The following ZDHHC23 variants were observed in gnomAD, a reference collection of about 807,000 sequenced individuals.
ZDHHC23 encodes the protein zDHHC palmitoyltransferase 23, also known as palmitoyltransferase ZDHHC23.
ZDHHC23 carries 41 observed loss-of-function variants against 40.2 expected under a neutral mutation model. The ratio of observed to expected loss-of-function variants is 1.02; its 90% CI spans 0.79 to 1.32. The LOEUF is 1.32. ZDHHC23 is among the 40% of genes most tolerant of loss of function. The probability of loss-of-function intolerance (pLI) is 0.00; values close to 1 mark genes in which losing one functional copy is unlikely to be tolerated. For missense variants in ZDHHC23, 471 were observed against 541.5 expected (o/e 0.87, Z 1.29); for synonymous variants, 204 against 210.2 (o/e 0.97, Z 0.26).
downstream of ZDHHC23, among the ~76,000 whole-genome samples, chr3:113,969,209 A>T (rs769284687): frequency 6.6e-6 from 1 of 152,248 alleles, no homozygotes; most frequent in Non-Finnish European, 1.5e-5. Context: ...CTTCCGTCCA[A>T]CATTGAGGAT....
Position 113,960,912 on chromosome 3 carries a change from C to G in ZDHHC23, c.*2282C>G. On this transcript the variant is annotated 3_prime_UTR_variant, in exon 5 of 5. Transcript: ENST00000638807. ...GAAAAGCCTTCCCAGGCGTCTGTAC[C>G]GAAAGGAGCAGCAAACAAGGGGCTA... 1 of 918,302 alleles carries G rather than the reference C, an allele frequency of 1.1e-6. No individual in the cohort carries two copies. The highest frequency in any genetic ancestry group is 1.5e-6 in the Non-Finnish European group (1 of 652,572). 56.9% of individuals were successfully genotyped at this position (918,302 alleles called of 1,614,324 possible).
chr3:113,976,821 G>A, the ZDHHC23 span, among the ~76,000 whole-genome samples: 2 of 152,128 alleles, frequency 1.3e-5, no homozygotes, highest in South Asian at 4.1e-4. Context: ...GGGTCACATA[G>A]ATATTGAGTC....
Position 113,959,062 on chromosome 3 carries a change from C to A in ZDHHC23, c.*432C>A. The A allele has an allele frequency of 2.1e-6, 2 of 960,682 alleles. No individual in the cohort carries two copies. The highest frequency in any genetic ancestry group is 2.7e-6 in the Non-Finnish European group (2 of 749,418). The allele number at this position is 960,682 out of a possible 1,614,324, so 59.5% of individuals were successfully genotyped here. ...TCATCTGCAAAGTGGGGTACTGATG[C>A]CTGCCCTGGCTACCTCACAGAGCCG... On this transcript the variant is annotated 3_prime_UTR_variant, in exon 5 of 5. Transcript: ENST00000638807.
rs1265949410 is a variant in ZDHHC23, at chr3:113,962,208, CA to C, written c.*3579del. On this transcript the variant is annotated 3_prime_UTR_variant, in exon 5 of 5. Transcript: ENST00000638807. ...GGGAGCAGGAAAGCCATCCTAAACT[CA>C]CTACTGAGTACGATTCAGTATGTTC... 1.3e-5 allele frequency: 2 copies of C among 152,210 alleles called. No homozygotes were observed. Among genetic ancestry groups the C allele is most frequent in the African/African-American group, 4.8e-5 (2 of 41,448 alleles). 9.4% of individuals were successfully genotyped at this position (152,210 alleles called of 1,614,324 possible). A position where few individuals can be genotyped will look rare whatever the true frequency, so the allele number is the denominator to read the frequency against.
downstream of ZDHHC23, among the ~76,000 whole-genome samples, chr3:113,967,835 C>CT (rs1178744106): frequency 2.0e-5 from 3 of 152,190 alleles, no homozygotes; most frequent in Admixed American, 2.0e-4. Context: ...AATGTATTCT[C>CT]TATCTTCATG....
chr3:113,960,445 C>A lies in ZDHHC23; in HGVS notation c.*1815C>A. On this transcript the variant is annotated 3_prime_UTR_variant, in exon 5 of 5. Transcript: ENST00000638807. ...CAAATTTCTTTCTATACAGGTTTTA[C>A]ATAAGAGAGACAGTAATAATGTCAA... 7.4e-7 allele frequency: 1 copy of A among 1,349,832 alleles called. No individual in the cohort carries two copies. The highest frequency in any genetic ancestry group is 3.7e-5 in the Admixed American group (1 of 27,396). The allele number at this position is 1,349,832 out of a possible 1,614,324, so 83.6% of individuals were successfully genotyped here.
chr3:113,971,547 GTTC>G, the ZDHHC23 span, among the ~76,000 whole-genome samples: 1 of 152,170 alleles, frequency 6.6e-6, no homozygotes, highest in East Asian at 1.9e-4. Context: ...CATGGTGAAT[GTTC>G]TTTTCAACGT....
In ZDHHC23 at chr3:113,948,776, T is replaced by G; in HGVS notation, c.-27T>G. 1 of 1,613,842 alleles carries G rather than the reference T, an allele frequency of 6.2e-7. No homozygotes were observed. Among genetic ancestry groups the G allele is most frequent in the Non-Finnish European group, 8.5e-7 (1 of 1,179,926 alleles). On this transcript the variant is annotated 5_prime_UTR_variant, in exon 2 of 5. Coordinates refer to ENST00000638807, the MANE Select transcript of ZDHHC23 (RefSeq NM_001320466.2). ...CCACCTTTACCTTCTGAGGGCTTCT[T>G]ACGCCTCATGGTGACAGGTGCAAAT...
intron 3 of ZDHHC23, among the ~76,000 whole-genome samples, chr3:113,955,421 T>C (rs544734000): frequency 6.6e-6 from 1 of 151,790 alleles, no homozygotes; most frequent in Non-Finnish European, 1.5e-5. Context: ...AAATGCTGGT[T>C]TGCAGAAGGC....
Position 113,958,445 on chromosome 3 carries a change from A to C in ZDHHC23, c.1123A>C (p.Asn375His). Reference protein sequence around the residue: ...MAYIFLIQLINISYNVTEREV... With the variant: ...MAYIFLIQLIHISYNVTEREV... Reference sequence around the variant, plus strand: ...CTACATCTTCCTGATCCAGCTGATCAACATCAGCTACAATGTGACTGAGCG... The same window carrying C: ...CTACATCTTCCTGATCCAGCTGATCCACATCAGCTACAATGTGACTGAGCG... The change falls in exon 5 of 5, where the codon AAC (asparagine) becomes CAC (histidine). Residue 375 changes from asparagine to histidine, a missense_variant. By Grantham distance (68) the Asn-to-His change is moderately conservative. Coordinates refer to ENST00000638807, the MANE Select transcript of ZDHHC23 (RefSeq NM_001320466.2). 1 of 1,614,172 alleles carries C rather than the reference A, an allele frequency of 6.2e-7. No individual in the cohort carries two copies. Among genetic ancestry groups the C allele is most frequent in the Non-Finnish European group, 8.5e-7 (1 of 1,180,022 alleles).
intron 2 of ZDHHC23, among the ~76,000 whole-genome samples, chr3:113,950,284 GATAAA>G (rs1938538975): frequency 1.3e-5 from 2 of 152,170 alleles, no homozygotes; most frequent in South Asian, 4.1e-4. Flanking sequence ...AGGCTGCTAT[GATAAA>G]ATAAATACCT....
At chr3:113,979,437 T>G in the ZDHHC23 span, among the ~76,000 whole-genome samples, 1 of 152,238 alleles carries the variant, frequency 6.6e-6, no homozygotes, top group African/African-American at 2.4e-5. Flanking sequence ...ATTAGTGTTG[T>G]GGAATGAGCT....
At chr3:113,968,499 A>G (rs1050994286), downstream of ZDHHC23, among the ~76,000 whole-genome samples, 1 of 150,788 alleles carries the variant, frequency 6.6e-6, no homozygotes, top group Non-Finnish European at 1.5e-5. Context: ...CCCAGGCTGG[A>G]CTGTAGCAGT....
chr3:113,977,477 C>T, the ZDHHC23 span, among the ~76,000 whole-genome samples: 3 of 152,124 alleles, frequency 2.0e-5, no homozygotes, highest in African/African-American at 4.8e-5. Flanking sequence ...ATAAAACTTA[C>T]TTATACAGAA....
chr3:113,949,692 G>A (rs1938479841), intron 2 of ZDHHC23, among the ~76,000 whole-genome samples: 1 of 152,158 alleles, frequency 6.6e-6, no homozygotes, highest in Admixed American at 6.5e-5. Context: ...AATGTGGGAA[G>A]GATAGGGATG....
chr3:113,960,883 G>T lies in ZDHHC23; in HGVS notation c.*2253G>T. On this transcript the variant is annotated 3_prime_UTR_variant, in exon 5 of 5. Transcript: ENST00000638807. Reference sequence around the variant, plus strand: ...CCTGTCAAAAGATGAGTGATCTTGTGTGGGAAAAGCCTTCCCAGGCGTCTG... The same window carrying T: ...CCTGTCAAAAGATGAGTGATCTTGTTTGGGAAAAGCCTTCCCAGGCGTCTG... 2 of 1,266,208 alleles carry T rather than the reference G, an allele frequency of 1.6e-6. No individual in the cohort carries two copies. Among genetic ancestry groups the T allele is most frequent in the Non-Finnish European group, 2.1e-6 (2 of 955,276 alleles). The allele number at this position is 1,266,208 out of a possible 1,614,324, so 78.4% of individuals were successfully genotyped here. A position where few individuals can be genotyped will look rare whatever the true frequency, so the allele number is the denominator to read the frequency against.
At chr3:113,974,148 T>C in the ZDHHC23 span, among the ~76,000 whole-genome samples, 1 of 152,080 alleles carries the variant, frequency 6.6e-6, no homozygotes, top group Non-Finnish European at 1.5e-5. Flanking sequence ...TTGTTAAATT[T>C]ATCTGAAAAA....
chr3:113,953,321 G>A (rs1017786528), intron 2 of ZDHHC23, among the ~76,000 whole-genome samples: 1 of 152,168 alleles, frequency 6.6e-6, no homozygotes, highest in African/African-American at 2.4e-5. Context: ...GATCACAAGA[G>A]TTTATTGATT....
intron 2 of ZDHHC23, 76 bp downstream of exon 2, chr3:113,949,039 C>T: frequency 6.4e-7 from 1 of 1,557,326 alleles, no homozygotes; most frequent in South Asian, 1.1e-5. Flanking sequence ...AACCTAGCCA[C>T]CCAGAATGCT....
Sources: allele counts gnomAD v4.1 joint callset (sites outside exome capture counted in the v4.1 genomes callset), GRCh38; gene constraint gnomAD v4.1.1; transcripts MANE v1.5; gene names NCBI Gene and HGNC (gene_info 2026-07-23, HGNC 2026-07-21).